DCDC2: variants seen among roughly 807,000 people sequenced by gnomAD.
DCDC2 encodes doublecortin domain-containing protein 2.
DCDC2 carries 40 observed loss-of-function variants against 50.2 expected under a neutral mutation model. That is an observed-to-expected ratio of 0.80 (90% CI 0.62 to 1.04). The LOEUF (loss-of-function observed/expected upper bound fraction) is 1.04. DCDC2 is among the 50% of genes least tolerant of loss of function. The pLI is 0.00. For missense variants in DCDC2, 570 were observed against 581.9 expected, an observed-to-expected ratio of 0.98 and a Z score of 0.21; for synonymous variants, 234 against 210.6, an observed-to-expected ratio of 1.11 and a Z score of -0.96.
chr6:24,260,509 A>T (rs908744824), intron 7 of DCDC2, among the ~76,000 whole-genome samples: 1 of 152,246 alleles, frequency 6.6e-6, no homozygotes, highest in Non-Finnish European at 1.5e-5. Flanking sequence ...TAAAGTCTAA[A>T]GAGAATTTGA....
chr6:24,349,988 C>T (rs1293012136), intron 2 of DCDC2, among the ~76,000 whole-genome samples: 2 of 152,070 alleles, frequency 1.3e-5, no homozygotes, highest in Non-Finnish European at 2.9e-5. Flanking sequence ...TTATTCCCCC[C>T]CTCCACCCCA....
chr6:24,279,153 A>G (rs2113820420), intron 6 of DCDC2, among the ~76,000 whole-genome samples: 1 of 152,302 alleles, frequency 6.6e-6, no homozygotes, highest in South Asian at 2.1e-4. Context: ...AGCAGCCACT[A>G]CATTGGGGGC....
At chr6:24,205,318 C>A in intron 7 of DCDC2, 1 of 1,530,012 alleles carries the variant, frequency 6.5e-7, no homozygotes, top group Admixed American at 2.0e-5. Flanking sequence ...CAAGGCTGAC[C>A]CAGCAGGGTA....
At chr6:24,250,201 C>T (rs62400393) in intron 7 of DCDC2, among the ~76,000 whole-genome samples, 13,069 of 152,170 alleles carry the variant, frequency 0.086, 926 homozygotes, top group African/African-American at 0.2. Context: ...AGCCTCCAGG[C>T]AAGTTGGAAT....
At chr6:24,363,829 G>C in the DCDC2 span, among the ~76,000 whole-genome samples, 76 of 152,090 alleles carry the variant, frequency 5.0e-4, 1 homozygote, top group Non-Finnish European at 4.4e-4. Context: ...ATTCTCCACA[G>C]AACAGTCATC....
intron 7 of DCDC2, among the ~76,000 whole-genome samples, chr6:24,209,421 C>T (rs1305651521): frequency 6.6e-6 from 1 of 152,176 alleles, no homozygotes; most frequent in Non-Finnish European, 1.5e-5. Context: ...GGGTGAGTGA[C>T]AACTAGGGCT....
chr6:24,287,926 T>C (rs1326640239), intron 6 of DCDC2, among the ~76,000 whole-genome samples: 3 of 152,216 alleles, frequency 2.0e-5, no homozygotes, highest in Admixed American at 2.0e-4. Flanking sequence ...TATTTTATTT[T>C]TGTCATAATA....
chr6:24,217,228 T>C (rs1005705750), intron 7 of DCDC2, among the ~76,000 whole-genome samples: 27 of 152,284 alleles, frequency 1.8e-4, no homozygotes, highest in African/African-American at 6.5e-4. Context: ...ACTGAAATCA[T>C]TCTCTAAATA....
At chr6:24,290,696 C>CT (rs1274005876) in intron 5 of DCDC2, among the ~76,000 whole-genome samples, 1 of 145,164 alleles carries the variant, frequency 6.9e-6, no homozygotes, top group African/African-American at 2.5e-5. Context: ...TTCATGCATG[C>CT]TAAAAAAAAA....
In DCDC2 at chr6:24,343,972, T is replaced by C. The variant is rs552790249; in HGVS notation, c.348+9597A>G. 5.9e-5 allele frequency among the ~76,000 whole-genome samples: 9 copies of C among 152,338 alleles called. No homozygotes were observed. The East Asian group carries it at 1.5e-3, about 26-fold the overall frequency. ...CTCACATATTTATCACTTTTTGTAG[T>C]AGGAACATTTAAAAACTCATTTAGC... On this transcript the variant is annotated intron_variant, in intron 2 of 9. Transcript: ENST00000378454.
At chr6:24,282,338 G>T (rs978385622) in intron 6 of DCDC2, among the ~76,000 whole-genome samples, 1 of 152,030 alleles carries the variant, frequency 6.6e-6, no homozygotes, top group Admixed American at 6.6e-5. Context: ...CGCCTCCCAG[G>T]TTCAAGTGAT....
At chr6:24,273,606 G>A (rs1429476692) in intron 7 of DCDC2, among the ~76,000 whole-genome samples, 1 of 152,154 alleles carries the variant, frequency 6.6e-6, no homozygotes, top group Non-Finnish European at 1.5e-5. Flanking sequence ...TCCCTTAGGA[G>A]GTAACACGTG....
At chr6:24,271,039 T>A (rs749023255) in intron 7 of DCDC2, among the ~76,000 whole-genome samples, 1 of 151,526 alleles carries the variant, frequency 6.6e-6, no homozygotes, top group Non-Finnish European at 1.5e-5. Flanking sequence ...CTGGGCAACA[T>A]GGTGAAACCC....
intron 8 of DCDC2, among the ~76,000 whole-genome samples, chr6:24,185,511 G>A (rs3804323): frequency 0.06 from 9,168 of 151,672 alleles, 435 homozygotes; most frequent in East Asian, 0.2. Context: ...CTACAATTCA[G>A]GGCAAAAAAA....
rs146059218 is a variant in DCDC2 at position 24,221,246 on chromosome 6, GA to G, written c.923-16145del. ...CTCTGCCCAACTTCTAAGACCGTCAGAATTTGGCCTCACTTCAGCCTTAACA... is the reference window on the plus strand; with the variant it reads ...CTCTGCCCAACTTCTAAGACCGTCAGATTTGGCCTCACTTCAGCCTTAACA... On this transcript the variant is annotated intron_variant, in intron 7 of 9. Transcript: ENST00000378454. Among the ~76,000 whole-genome samples, 1,468 of 152,216 alleles carry G rather than the reference GA, an allele frequency of 9.6e-3. 11 individuals are homozygous for G. Among genetic ancestry groups the G allele is most frequent in the African/African-American group, 0.019 (796 of 41,520 alleles).
chr6:24,220,897 AGC>A (rs879633390), intron 7 of DCDC2, among the ~76,000 whole-genome samples: 2,986 of 150,136 alleles, frequency 0.02, 49 homozygotes, highest in South Asian at 0.057. Context: ...AGAGTGAGCG[AGC>A]GAGCGAGAGA....
At chr6:24,315,171 G>GT (rs1759638516) in intron 2 of DCDC2, among the ~76,000 whole-genome samples, 1 of 65,908 alleles carries the variant, frequency 1.5e-5, no homozygotes, top group Admixed American at 2.2e-4. Flanking sequence ...ATTGATCTTT[G>GT]CTTTTTTTTT....
At chr6:24,308,521 AT>A (rs1463459373) in intron 2 of DCDC2, among the ~76,000 whole-genome samples, 1 of 152,238 alleles carries the variant, frequency 6.6e-6, no homozygotes, top group East Asian at 1.9e-4. Context: ...TTCATACAAA[AT>A]GACTAGTACA....
chr6:24,261,487 T>A (rs1763008369), intron 7 of DCDC2, among the ~76,000 whole-genome samples: 1 of 151,902 alleles, frequency 6.6e-6, no homozygotes, highest in African/African-American at 2.4e-5. Flanking sequence ...AGGGAGGTAA[T>A]TCTCCAAGTA....
Sources: gnomAD v4.1 joint callset for allele counts (sites outside exome capture counted in the v4.1 genomes callset) on GRCh38, gnomAD v4.1.1 for gene constraint, MANE v1.5 for transcripts, NCBI Gene and HGNC (gene_info 2026-07-23, HGNC 2026-07-21) for gene names.